Variants in RIMS2 observed in about 807,000 individuals in gnomAD.
RIMS2 encodes regulating synaptic membrane exocytosis protein 2.
A neutral mutation model predicts 174.4 loss-of-function variants in RIMS2; 59 were observed. The observed-to-expected ratio is 0.34, with a 90% CI of 0.27 to 0.42. The LOEUF (loss-of-function observed/expected upper bound fraction) is 0.42, where lower values mean the gene tolerates loss of function less well. Among genes scored for constraint, RIMS2 ranks in the 10% least tolerant of loss-of-function variants. The probability of loss-of-function intolerance (pLI) is 1.00; values close to 1 mark genes in which losing one functional copy is unlikely to be tolerated. For missense variants in RIMS2, 1,620 were observed against 1,666.3 expected, an observed-to-expected ratio of 0.97 and a Z score of 0.48; for synonymous variants, 606 against 572.5, an observed-to-expected ratio of 1.06 and a Z score of -0.84.
intron 19 of RIMS2, among the ~76,000 whole-genome samples, chr8:104,109,999 C>T (rs2098149046): frequency 6.6e-6 from 1 of 152,250 alleles, no homozygotes. Flanking sequence ...TATCCCTTTC[C>T]TCAAAGAGCT....
chr8:103,716,329 C>T lies in RIMS2; in HGVS notation c.387+19033C>T, dbSNP rs2097367660. ...TCCAGGAGGACAAAGTGGTTAGAGTCTTTTTTTCTGTCTAATATTAGTTTT... is the reference window on the plus strand; with the variant it reads ...TCCAGGAGGACAAAGTGGTTAGAGTTTTTTTTTCTGTCTAATATTAGTTTT... On this transcript the variant is annotated intron_variant, in intron 2 of 23. Transcript: ENST00000504942. The T allele has an allele frequency of 6.6e-6, 1 of 151,768 alleles. No individual in the cohort carries two copies. Among genetic ancestry groups the T allele is most frequent in the South Asian group, 2.1e-4 (1 of 4,818 alleles). 9.4% of individuals were successfully genotyped at this position (151,768 alleles called of 1,614,324 possible). A position where few individuals can be genotyped will look rare whatever the true frequency, so the allele number is the denominator to read the frequency against.
At chr8:103,766,426 T>C (rs2098171791) in exon 3 of RIMS2, 2 of 1,613,694 alleles carry the variant, frequency 1.2e-6, no homozygotes, top group Non-Finnish European at 1.7e-6. Flanking sequence ...TCAGGTGACT[T>C]ATCTGTACCT....
intron 2 of RIMS2, among the ~76,000 whole-genome samples, chr8:103,719,994 T>C (rs2097425967): frequency 6.6e-6 from 1 of 152,202 alleles, no homozygotes; most frequent in African/African-American, 2.4e-5. Flanking sequence ...GAGACAACAC[T>C]AGATAAAAAG....
intron 19 of RIMS2, among the ~76,000 whole-genome samples, chr8:104,087,762 G>A (rs1344127828): frequency 6.6e-6 from 1 of 152,088 alleles, no homozygotes; most frequent in East Asian, 1.9e-4. Context: ...AAACTGAAGA[G>A]GCCATCAGGC....
intron 19 of RIMS2, among the ~76,000 whole-genome samples, chr8:104,093,133 T>A: frequency 6.6e-6 from 1 of 151,850 alleles, no homozygotes; most frequent in East Asian, 1.9e-4. Flanking sequence ...TATTAAAAAA[T>A]AAAAAAAATT....
At chr8:103,765,046 G>T (rs1349133547) in intron 2 of RIMS2, among the ~76,000 whole-genome samples, 1 of 152,124 alleles carries the variant, frequency 6.6e-6, no homozygotes, top group Non-Finnish European at 1.5e-5. Flanking sequence ...AAACATTTTT[G>T]TGTCAGTTGA....
chr8:103,848,527 G>A (rs1404770418), intron 3 of RIMS2, among the ~76,000 whole-genome samples: 1 of 152,000 alleles, frequency 6.6e-6, no homozygotes, highest in East Asian at 1.9e-4. Flanking sequence ...CTTATGATTT[G>A]GTGGGTTTCA....
At position 103,946,593 on chromosome 8, in the gene RIMS2, A is replaced by T. The variant is rs536638649; in HGVS notation, c.2701+3667A>T. Among the ~76,000 whole-genome samples the T allele has an allele frequency of 2.0e-5, 3 of 152,328 alleles. No homozygotes were observed. The East Asian group carries it at 5.8e-4, about 29-fold the overall frequency. On this transcript the variant is annotated intron_variant, in intron 14 of 23. Coordinates refer to ENST00000504942, the Ensembl canonical transcript of RIMS2. ...CTCGTACAATAAAAAATCACAAAAC[A>T]TTGTTCAGAGAAATGAAAAAGAGAT...
rs527645008 is a variant in RIMS2, at chr8:103,804,215, A to G, written c.698+37678A>G. Among the ~76,000 whole-genome samples the G allele has an allele frequency of 2.6e-5, 4 of 152,288 alleles. No homozygotes were observed. In the East Asian group the frequency reaches 7.7e-4, roughly 29 times the overall value. ...GACAGCTTCTGTATTCAATATATTG[A>G]GATATCACACATACTTTAGCCTCTG... On this transcript the variant is annotated intron_variant, in intron 3 of 23. Coordinates refer to ENST00000504942, the Ensembl canonical transcript of RIMS2.
chr8:103,596,256 T>C (rs2094474393), intron 1 of RIMS2, among the ~76,000 whole-genome samples: 2 of 152,096 alleles, frequency 1.3e-5, no homozygotes, highest in Admixed American at 1.3e-4. Context: ...GTTATTCACT[T>C]GCTTATTGAA....
intron 19 of RIMS2, among the ~76,000 whole-genome samples, chr8:104,097,762 T>C (rs2097787829): frequency 6.6e-6 from 1 of 152,226 alleles, no homozygotes; most frequent in Non-Finnish European, 1.5e-5. Flanking sequence ...GCTCAACCTA[T>C]ATATGATTGA....
chr8:103,936,584 G>A (rs761842375), exon 13 of RIMS2: 2 of 1,596,648 alleles, frequency 1.3e-6, no homozygotes, highest in South Asian at 1.1e-5. Flanking sequence ...AAACAGTAAA[G>A]AAAACATTGG....
intron 2 of RIMS2, among the ~76,000 whole-genome samples, chr8:103,757,902 G>A (rs2098047264): frequency 6.6e-6 from 1 of 152,222 alleles, no homozygotes; most frequent in South Asian, 2.1e-4. Context: ...AGGAGACAAG[G>A]AACTGGTTTT....
intron 2 of RIMS2, among the ~76,000 whole-genome samples, chr8:103,750,245 A>G (rs2139685108): frequency 6.6e-6 from 1 of 152,298 alleles, no homozygotes; most frequent in Non-Finnish European, 1.5e-5. Context: ...CAGTTCAAAA[A>G]GTATCATAAT....
intron 1 of RIMS2, among the ~76,000 whole-genome samples, chr8:103,628,710 G>C (rs1340398799): frequency 1.4e-4 from 21 of 145,202 alleles, no homozygotes; most frequent in African/African-American, 4.6e-4. Context: ...CCCAACATGG[G>C]CACTAAAGAA....
chr8:104,060,490 A>C (rs1381609653), intron 19 of RIMS2, among the ~76,000 whole-genome samples: 1 of 151,458 alleles, frequency 6.6e-6, no homozygotes, highest in African/African-American at 2.4e-5. Context: ...CTAGCAGTCT[A>C]TCAATTTTGT....
At chr8:103,910,385 G>C (rs923816759) in intron 5 of RIMS2, 2 of 1,597,874 alleles carry the variant, frequency 1.3e-6, no homozygotes, top group African/African-American at 1.3e-5. Flanking sequence ...CTAACACCAG[G>C]TCTGAGAGAC....
intron 1 of RIMS2, among the ~76,000 whole-genome samples, chr8:103,561,579 A>G (rs1239334953): frequency 2.6e-5 from 4 of 152,184 alleles, no homozygotes; most frequent in Admixed American, 2.6e-4. Flanking sequence ...CCACAGCACC[A>G]CTTCTTTTCT....
At chr8:104,197,177 CTT>C (rs34674014) in intron 19 of RIMS2, among the ~76,000 whole-genome samples, 23 of 138,536 alleles carry the variant, frequency 1.7e-4, no homozygotes, top group Non-Finnish European at 1.9e-4. Context: ...TAAACATAAG[CTT>C]TTTTTTTTTT....
Sources: allele counts gnomAD v4.1 joint callset (sites outside exome capture counted in the v4.1 genomes callset), GRCh38; gene constraint gnomAD v4.1.1; transcripts MANE v1.5; gene names NCBI Gene and HGNC (gene_info 2026-07-23, HGNC 2026-07-21).